COG5: variants seen among roughly 807,000 people sequenced by gnomAD.
COG5 encodes conserved oligomeric Golgi complex subunit 5.
In COG5, 86 loss-of-function variants were observed where a neutral mutation model predicts 110.4. The ratio of observed to expected loss-of-function variants is 0.78; its 90% confidence interval spans 0.65 to 0.93. COG5 has a LOEUF of 0.93. COG5 is among the 40% of genes least tolerant of loss of function. The probability of loss-of-function intolerance (pLI) is 0.00; values close to 1 mark genes in which losing one functional copy is unlikely to be tolerated. For synonymous variants in COG5, 360 were observed against 334.6 expected, an observed-to-expected ratio of 1.08 and a Z score of -0.83; for missense variants, 1,077 against 987.0, an observed-to-expected ratio of 1.09 and a Z score of -1.22.
In COG5 at chr7:107,248,470, C is replaced by T; in HGVS notation, c.1779G>A (p.Val593=). The stretch of plus-strand genomic sequence containing the variant: ...CTCCCACAGAAGTGAGTAAGGGTTG[C>T]ACAGCATTTTCCATAAGAGCATGAA... ...KAIHALMENA[V]QPLLTSVGDA... The change falls in exon 17 of 22, where the codon GTG becomes GTA. Residue 593 remains valine, a synonymous_variant. Coordinates refer to ENST00000297135, the MANE Select transcript of COG5 (RefSeq NM_006348.5). 1 of 1,604,666 alleles carries T rather than the reference C, an allele frequency of 6.2e-7. No individual in the cohort carries two copies. The highest frequency in any genetic ancestry group is 8.5e-7 in the Non-Finnish European group (1 of 1,175,286).
intron 10 of COG5, among the ~76,000 whole-genome samples, chr7:107,334,116 T>G (rs1249697617): frequency 6.6e-6 from 1 of 152,160 alleles, no homozygotes; most frequent in Non-Finnish European, 1.5e-5. Context: ...TTCATTCTCA[T>G]GTTTACTGCA....
At chr7:107,210,498 T>C in intron 21 of COG5, 28 bp downstream of exon 21, 1 of 1,575,944 alleles carries the variant, frequency 6.3e-7, no homozygotes, top group East Asian at 2.3e-5. Context: ...CCAGACCAGA[T>C]GGGTGCCCCC....
At chr7:107,330,326 T>C (rs1000627967) in intron 10 of COG5, among the ~76,000 whole-genome samples, 6 of 152,190 alleles carry the variant, frequency 3.9e-5, no homozygotes, top group Admixed American at 2.6e-4. Context: ...CAGACACATA[T>C]TATTACATAT....
intron 7 of COG5, among the ~76,000 whole-genome samples, chr7:107,388,738 T>C (rs760463045): frequency 8.3e-4 from 127 of 152,296 alleles, no homozygotes; most frequent in Non-Finnish European, 1.5e-3. Flanking sequence ...GAATTACTAA[T>C]GCGGGGAAGA....
intron 3 of COG5, among the ~76,000 whole-genome samples, chr7:107,550,393 C>T (rs754148384): frequency 6.6e-6 from 1 of 152,194 alleles, no homozygotes; most frequent in African/African-American, 2.4e-5. Context: ...ATACAATAAC[C>T]TGATTAAACT....
intron 7 of COG5, among the ~76,000 whole-genome samples, chr7:107,411,417 CA>C (rs1336815529): frequency 6.6e-6 from 1 of 151,650 alleles, no homozygotes; most frequent in Non-Finnish European, 1.5e-5. Context: ...CATAATTGAC[CA>C]AACAACTAAA....
At chr7:107,519,318 GAC>G (rs1177089484) in intron 6 of COG5, among the ~76,000 whole-genome samples, 30 of 152,022 alleles carry the variant, frequency 2.0e-4, no homozygotes, top group African/African-American at 7.0e-4. Flanking sequence ...AACTGAAGGA[GAC>G]ACAGACACGA....
chr7:107,479,628 AG>A lies in COG5; in HGVS notation c.538+47608del, dbSNP rs1797199628. On this transcript the variant is annotated intron_variant, in intron 6 of 21. Coordinates refer to ENST00000297135, the MANE Select transcript of COG5 (RefSeq NM_006348.5). ...GACCATAAGGAAGACCATAAGAAAC[AG>A]ATTACCCGCAATACTCAAATAACTA... Among the ~76,000 whole-genome samples the A allele has an allele frequency of 2.0e-5, 3 of 152,276 alleles. No individual in the cohort carries two copies. The East Asian group carries it at 5.8e-4, about 29-fold the overall frequency.
At chr7:107,469,832 A>AG (rs1446128492) in intron 6 of COG5, among the ~76,000 whole-genome samples, 6 of 152,102 alleles carry the variant, frequency 3.9e-5, no homozygotes, top group South Asian at 2.1e-4. Context: ...CCAGAATAGA[A>AG]TACACATTTT....
At chr7:107,396,990 T>C (rs1791062392) in intron 7 of COG5, among the ~76,000 whole-genome samples, 1 of 152,242 alleles carries the variant, frequency 6.6e-6, no homozygotes, top group Non-Finnish European at 1.5e-5. Context: ...GCAAGCATTA[T>C]GTATTAGCTA....
rs773434767 is a variant in COG5 at position 107,474,620 on chromosome 7, G to C, written c.538+52617C>G. 3.1e-6 allele frequency: 5 copies of C among 1,610,844 alleles called. No homozygotes were observed. Among genetic ancestry groups the C allele is most frequent in the Non-Finnish European group, 4.2e-6 (5 of 1,178,334 alleles). ...GTAAATTTTTTCAGTCTTCAAAGTG[G>C]AAATACCTGGGAAAACAAGACACTT... is the stretch of plus-strand genomic sequence containing the variant. On this transcript the variant is annotated intron_variant, in intron 6 of 21. Coordinates refer to ENST00000297135, the MANE Select transcript of COG5 (RefSeq NM_006348.5). The surrounding 1 kb of genome is among the most constrained non-coding windows in gnomAD (Gnocchi z 5.7).
At chr7:107,482,711 T>C (rs1239774738) in intron 6 of COG5, among the ~76,000 whole-genome samples, 1 of 152,198 alleles carries the variant, frequency 6.6e-6, no homozygotes. Flanking sequence ...TAATGTTGTT[T>C]CTTTAAACAA....
intron 6 of COG5, among the ~76,000 whole-genome samples, chr7:107,522,509 T>C (rs936172155): frequency 1.4e-4 from 21 of 152,118 alleles, no homozygotes; most frequent in African/African-American, 4.1e-4. Context: ...GACAGGTTGA[T>C]AGATGCAGCA....
chr7:107,482,812 G>A (rs1181782725), intron 6 of COG5, among the ~76,000 whole-genome samples: 2 of 152,084 alleles, frequency 1.3e-5, no homozygotes, highest in Admixed American at 1.3e-4. Flanking sequence ...AAACTGTTAT[G>A]TACTTCACTC....
chr7:107,286,714 G>GT (rs1173332159), intron 12 of COG5, among the ~76,000 whole-genome samples: 2 of 152,000 alleles, frequency 1.3e-5, no homozygotes, highest in African/African-American at 4.8e-5. Context: ...CACTTCTCTT[G>GT]TTTTTTTCCC....
At chr7:107,425,298 T>C (rs991562096) in intron 6 of COG5, among the ~76,000 whole-genome samples, 1 of 147,260 alleles carries the variant, frequency 6.8e-6, no homozygotes, top group African/African-American at 2.5e-5. Flanking sequence ...ATTAATATAG[T>C]ATAAAGCACT....
intron 6 of COG5, among the ~76,000 whole-genome samples, chr7:107,469,044 A>T (rs112360238): frequency 6.7e-6 from 1 of 150,162 alleles, no homozygotes; most frequent in East Asian, 1.9e-4. Flanking sequence ...TAAAATTTTT[A>T]ATTTAAATAT....
At position 107,412,368 on chromosome 7, in the gene COG5, G is replaced by T. The variant is rs1792363262; in HGVS notation, c.669+134C>A. The T allele has an allele frequency of 5.1e-6, 4 of 777,622 alleles. No individual in the cohort carries two copies. The East Asian group carries it at 1.1e-4, about 21-fold the overall frequency. 48.2% of individuals were successfully genotyped at this position (777,622 alleles called of 1,614,324 possible). ...TTCCCTTAACGATGACCCATTCTTT[G>T]ATTTAAATTGTAGACATACTTTCTC... is the stretch of plus-strand genomic sequence containing the variant. On this transcript the variant is annotated intron_variant, in intron 7 of 21. Transcript: ENST00000297135.
chr7:107,211,057 G>T (rs753555068), intron 20 of COG5, 42 bp downstream of exon 20: 11 of 1,609,548 alleles, frequency 6.8e-6, no homozygotes, highest in Non-Finnish European at 9.3e-6. Context: ...ACAGGTAATG[G>T]GAAGAGTCAC....
Sources: gnomAD v4.1 joint callset for allele counts (sites outside exome capture counted in the v4.1 genomes callset) on GRCh38, gnomAD v4.1.1 for gene constraint, Gnocchi (gnomAD v3.1) non-coding constraint, MANE v1.5 for transcripts, NCBI Gene and HGNC (gene_info 2026-07-23, HGNC 2026-07-21) for gene names.